The following GJC1 variants were observed in gnomAD, a reference collection of about 807,000 sequenced individuals.
GJC1 encodes gap junction gamma-1 protein.
A neutral mutation model predicts 29.3 loss-of-function variants in GJC1; 5 were observed. The ratio of observed to expected loss-of-function variants is 0.17; its 90% confidence interval spans 0.09 to 0.36. The LOEUF is 0.36. Among genes scored for constraint, GJC1 ranks in the 10% least tolerant of loss-of-function variants. The pLI is 1.00. For synonymous variants in GJC1, 177 were observed against 183.3 expected, an observed-to-expected ratio of 0.97 and a Z score of 0.28; for missense variants, 310 against 496.2, an observed-to-expected ratio of 0.62 and a Z score of 3.56.
chr17:44,795,380 C>G (rs1157002571), downstream of GJC1, among the ~76,000 whole-genome samples: 4 of 152,132 alleles, frequency 2.6e-5, no homozygotes, highest in African/African-American at 9.7e-5. Context: ...ATTACAGGCG[C>G]CTTCCACTGC....
At chr17:44,828,191 A>G (rs1382748381) in intron 1 of GJC1, among the ~76,000 whole-genome samples, 4 of 152,224 alleles carry the variant, frequency 2.6e-5, no homozygotes, top group Non-Finnish European at 5.9e-5. Flanking sequence ...AACAGCATTT[A>G]TAAGTAAGAT....
In GJC1 at chr17:44,805,028, T is replaced by A. The variant is rs765380222; in HGVS notation, c.790A>T (p.Ser264Cys). ...GFGTIRDSLNSKRRELEDPGA... is the reference protein window; with the variant it reads ...GFGTIRDSLNCKRRELEDPGA... ...GGATCCTCAAGTTCCCTCCTTTTAC[T>A]GTTTAGTGAGTCTCGAATGGTCCCA... Residue 264 changes from serine to cysteine, a missense_variant, in exon 3 of 3, where the codon AGT becomes TGT. By Grantham distance (112) the Ser-to-Cys change is moderately radical (BLOSUM62 -1). This residue lies in a region of GJC1 where 146 missense variants were observed against 165.0 expected (regional missense o/e 0.88). Coordinates refer to ENST00000592524, the MANE Select transcript of GJC1 (RefSeq NM_005497.4). The surrounding 1 kb of genome is among the most constrained non-coding windows in gnomAD (Gnocchi z 5.1). The A allele has an allele frequency of 1.8e-5, 29 of 1,613,994 alleles. No individual in the cohort carries two copies. Among genetic ancestry groups the A allele is most frequent in the Non-Finnish European group, 2.4e-5 (28 of 1,180,048 alleles).
At chr17:44,816,936 C>T (rs1446225695) in intron 1 of GJC1, among the ~76,000 whole-genome samples, 2 of 152,074 alleles carry the variant, frequency 1.3e-5, no homozygotes, top group East Asian at 3.9e-4. Flanking sequence ...GCCTGCCAGG[C>T]GCAGTGGTTC....
At chr17:44,808,644 C>G (rs2049940115) in intron 1 of GJC1, among the ~76,000 whole-genome samples, 1 of 152,130 alleles carries the variant, frequency 6.6e-6, no homozygotes, top group African/African-American at 2.4e-5. Context: ...CACCTGTGGT[C>G]CCAGCTACTT....
intron 1 of GJC1, among the ~76,000 whole-genome samples, chr17:44,808,217 T>G (rs2049933211): frequency 6.7e-6 from 1 of 149,856 alleles, no homozygotes; most frequent in East Asian, 1.9e-4. Context: ...TGTTGTTGTT[T>G]AAAGATACAG....
In GJC1 at chr17:44,821,697, C is replaced by CAAAAAA. The variant is rs61303163; in HGVS notation, c.-97+8359_-97+8364dup. Among the ~76,000 whole-genome samples the CAAAAAA allele has an allele frequency of 8.9e-4, 52 of 58,356 alleles. 1 individual carries two copies. Among genetic ancestry groups the CAAAAAA allele is most frequent in the African/African-American group, 1.4e-3 (18 of 12,864 alleles). The allele number at this position is 58,356 out of a possible 152,430, so 38.3% of individuals were successfully genotyped here. Reference sequence around the variant, plus strand: ...GGGCAACAAGAGGGAAACTCCGTCTCAAAAAAAAAAAAAAAAAAAAAAAAA... The same window carrying CAAAAAA: ...GGGCAACAAGAGGGAAACTCCGTCTCAAAAAAAAAAAAAAAAAAAAAAAAAAAAAAA... On this transcript the variant is annotated intron_variant, in intron 1 of 2. Coordinates refer to ENST00000592524, the MANE Select transcript of GJC1 (RefSeq NM_005497.4).
chr17:44,813,745 G>A (rs1024240750), intron 1 of GJC1, among the ~76,000 whole-genome samples: 1 of 151,864 alleles, frequency 6.6e-6, no homozygotes, highest in African/African-American at 2.4e-5. Flanking sequence ...TGCTCACCTC[G>A]GCCTCCCAAA....
intron 1 of GJC1, among the ~76,000 whole-genome samples, chr17:44,824,833 C>A (rs2050152259): frequency 1.7e-5 from 2 of 117,772 alleles, no homozygotes; most frequent in African/African-American, 3.3e-5. Flanking sequence ...AAAAATTAGT[C>A]AAGTGCAATA....
intron 1 of GJC1, among the ~76,000 whole-genome samples, chr17:44,820,813 G>A (rs77977995): frequency 3.7e-4 from 57 of 152,236 alleles, no homozygotes; most frequent in African/African-American, 1.2e-3. Context: ...TAACTGGAAC[G>A]TTTTAAGTGG....
At chr17:44,815,790 T>C (rs2050034928) in intron 1 of GJC1, among the ~76,000 whole-genome samples, 1 of 152,134 alleles carries the variant, frequency 6.6e-6, no homozygotes, top group African/African-American at 2.4e-5. Flanking sequence ...ATTATTTTTA[T>C]AGAATCGTAT....
At chr17:44,813,126 T>A (rs2050003095) in intron 1 of GJC1, 1 of 152,010 alleles carries the variant, frequency 6.6e-6, no homozygotes, top group Admixed American at 6.6e-5. Context: ...TGGAGCACAG[T>A]ACCGCAATCT....
chr17:44,816,835 A>G (rs766550000), intron 1 of GJC1, among the ~76,000 whole-genome samples: 1 of 152,108 alleles, frequency 6.6e-6, no homozygotes, highest in Non-Finnish European at 1.5e-5. Flanking sequence ...GATCAAATGT[A>G]ATGAACATTA....
chr17:44,813,484 CTTTTT>C (rs35299072), intron 1 of GJC1, among the ~76,000 whole-genome samples: 135 of 80,520 alleles, frequency 1.7e-3, no homozygotes, highest in African/African-American at 6.5e-3. Flanking sequence ...TTCCAAGTTA[CTTTTT>C]TTTTTTTTTT....
In GJC1 at chr17:44,800,279, T is replaced by C. The variant is rs2049827560; in HGVS notation, c.*4348A>G. The stretch of plus-strand genomic sequence containing the variant: ...ACCCACCACCACGCCCGGCTAATTT[T>C]TGGTATTTTTAGTAGAGACGGGGTT... On this transcript the variant is annotated 3_prime_UTR_variant, in exon 3 of 3. Coordinates refer to ENST00000592524, the MANE Select transcript of GJC1 (RefSeq NM_005497.4). The C allele has an allele frequency of 6.6e-6, 1 of 152,100 alleles. No homozygotes were observed. Among genetic ancestry groups the C allele is most frequent in the South Asian group, 2.1e-4 (1 of 4,820 alleles). 9.4% of individuals were successfully genotyped at this position (152,100 alleles called of 1,614,324 possible).
intron 2 of GJC1, among the ~76,000 whole-genome samples, chr17:44,806,290 C>T (rs1364931064): frequency 6.6e-6 from 1 of 152,086 alleles, no homozygotes; most frequent in Non-Finnish European, 1.5e-5. Flanking sequence ...CACCTGTTGG[C>T]CCCACAAGGT....
At chr17:44,811,995 TA>T (rs111996895) in intron 1 of GJC1, among the ~76,000 whole-genome samples, 88 of 126,392 alleles carry the variant, frequency 7.0e-4, no homozygotes, top group Admixed American at 1.7e-3. Flanking sequence ...AACAAAACTC[TA>T]AAAAAAAAAA....
chr17:44,820,242 G>A (rs191527509), intron 1 of GJC1, among the ~76,000 whole-genome samples: 10 of 152,284 alleles, frequency 6.6e-5, no homozygotes, highest in Middle Eastern at 3.4e-3. Flanking sequence ...GATTACAGGC[G>A]TGAGCCACGG....
chr17:44,816,797 G>A (rs1361441503), intron 1 of GJC1, among the ~76,000 whole-genome samples: 6 of 151,962 alleles, frequency 3.9e-5, no homozygotes, highest in Admixed American at 1.3e-4. Flanking sequence ...GAGCTACCGC[G>A]CCCAGCCGAA....
At chr17:44,813,486 T>A (rs1435882444) in intron 1 of GJC1, among the ~76,000 whole-genome samples, 2 of 28,210 alleles carry the variant, frequency 7.1e-5, no homozygotes, top group Admixed American at 4.2e-4. Context: ...CCAAGTTACT[T>A]TTTTTTTTTT....
Sources: gnomAD v4.1 joint callset for allele counts (sites outside exome capture counted in the v4.1 genomes callset) on GRCh38, gnomAD v4.1.1 for gene constraint, gnomAD v4.1.1 regional missense constraint, Gnocchi (gnomAD v3.1) non-coding constraint, MANE v1.5 for transcripts, NCBI Gene and HGNC (gene_info 2026-07-23, HGNC 2026-07-21) for gene names.